Variants in TENM3 observed in about 807,000 individuals in gnomAD.
TENM3 encodes the protein teneurin-3.
A neutral mutation model predicts 255.1 loss-of-function variants in TENM3; 63 were observed. That is an observed-to-expected ratio of 0.25 (90% CI 0.20 to 0.30). The LOEUF (loss-of-function observed/expected upper bound fraction) is 0.30, where lower values mean the gene tolerates loss of function less well. TENM3 is among the 10% of genes least tolerant of loss of function. The pLI, the probability that TENM3 is intolerant of heterozygous loss-of-function variation, is 1.00. For synonymous variants in TENM3, 1,306 were observed against 1,322.3 expected (o/e 0.99, Z 0.27); for missense variants, 2,929 against 3,461.1 (o/e 0.85, Z 3.86).
the TENM3 span, among the ~76,000 whole-genome samples, chr4:181,998,741 C>T: frequency 6.6e-6 from 1 of 152,250 alleles, no homozygotes; most frequent in Admixed American, 6.5e-5. Flanking sequence ...AACTTCCCAC[C>T]CTAGTTCCAA....
chr4:182,151,070 T>C (rs1325480876), intron 1 of TENM3, among the ~76,000 whole-genome samples: 1 of 152,066 alleles, frequency 6.6e-6, no homozygotes, highest in Non-Finnish European at 1.5e-5. Flanking sequence ...TTTTTGACAA[T>C]AGGGGCGTTT....
the TENM3 span, among the ~76,000 whole-genome samples, chr4:181,911,879 TAAC>T: frequency 6.6e-6 from 1 of 152,132 alleles, no homozygotes; most frequent in Non-Finnish European, 1.5e-5. Flanking sequence ...AATACACAAA[TAAC>T]ATACAAATAT....
At chr4:181,485,494 A>AAC in the TENM3 span, among the ~76,000 whole-genome samples, 1 of 152,146 alleles carries the variant, frequency 6.6e-6, no homozygotes, top group African/African-American at 2.4e-5. Flanking sequence ...TTTTTTAAAA[A>AAC]AAAGAGTATC....
chr4:182,000,359 A>G, the TENM3 span, among the ~76,000 whole-genome samples: 4,984 of 152,124 alleles, frequency 0.033, 252 homozygotes, highest in African/African-American at 0.11. Context: ...CTTGATCACC[A>G]CAGCCCTTCT....
chr4:181,859,214 C>T, the TENM3 span, among the ~76,000 whole-genome samples: 1 of 137,314 alleles, frequency 7.3e-6, no homozygotes, highest in African/African-American at 2.7e-5. Flanking sequence ...CTGCGCTCCA[C>T]CCTGTGTGAC....
the TENM3 span, among the ~76,000 whole-genome samples, chr4:181,478,146 A>G: frequency 6.6e-6 from 1 of 152,242 alleles, no homozygotes. Flanking sequence ...GACTACTTGT[A>G]CTTTATGTGT....
At chr4:182,751,166 C>T (rs188514930) in intron 19 of TENM3, among the ~76,000 whole-genome samples, 36 of 152,302 alleles carry the variant, frequency 2.4e-4, no homozygotes, top group Non-Finnish European at 2.9e-5. Flanking sequence ...ATCCAGCATC[C>T]TAGCTCACTG....
At chr4:182,554,105 G>C (rs1369791072) in intron 3 of TENM3, among the ~76,000 whole-genome samples, 1 of 152,038 alleles carries the variant, frequency 6.6e-6, no homozygotes, top group African/African-American at 2.4e-5. Context: ...AGCTAAAAAG[G>C]GATAATAATT....
chr4:182,149,431 G>A (rs964758034), intron 1 of TENM3, among the ~76,000 whole-genome samples: 4 of 151,870 alleles, frequency 2.6e-5, no homozygotes, highest in African/African-American at 9.7e-5. Context: ...CAGCTACATG[G>A]AATTTACTAA....
chr4:181,999,339 A>G, the TENM3 span, among the ~76,000 whole-genome samples: 1 of 152,210 alleles, frequency 6.6e-6, no homozygotes, highest in East Asian at 1.9e-4. Flanking sequence ...TAGATGGTGC[A>G]AAGAAACCAG....
the TENM3 span, among the ~76,000 whole-genome samples, chr4:181,502,777 G>A: frequency 6.6e-5 from 10 of 152,132 alleles, no homozygotes; most frequent in Admixed American, 6.5e-5. Context: ...TTTGCCTACC[G>A]GAAGCTCAGT....
Position 182,800,929 on chromosome 4 carries a change from G to A in TENM3, c.*578G>A, listed in dbSNP as rs989169255. ...TACAATGCTAACGTGGTTTCCCTTC[G>A]GGGAAAAAACTGGCAACTAGAATCC... On this transcript the variant is annotated 3_prime_UTR_variant, in exon 28 of 28. Transcript: ENST00000511685. The A allele has an allele frequency of 5.2e-5, 8 of 152,574 alleles. No homozygotes were observed. Among genetic ancestry groups the A allele is most frequent in the African/African-American group, 1.9e-4 (8 of 41,422 alleles). 9.5% of individuals were successfully genotyped at this position (152,574 alleles called of 1,614,324 possible).
Position 182,680,361 on chromosome 4 carries a change from A to G in TENM3, c.1639+12A>G, listed in dbSNP as rs1490055921. On this transcript the variant is annotated intron_variant, in intron 9 of 27. Coordinates refer to ENST00000511685, the MANE Select transcript of TENM3 (RefSeq NM_001080477.4). ...GGATTGTTCAAGAGGTATGCAAGTT[A>G]GATTCTTCTCTTAAGCCGATATAAA... 2 of 1,588,936 alleles carry G rather than the reference A, an allele frequency of 1.3e-6. No individual in the cohort carries two copies. Among genetic ancestry groups the G allele is most frequent in the Non-Finnish European group, 1.7e-6 (2 of 1,160,260 alleles).
chr4:182,688,736 T>C (rs761613149), intron 12 of TENM3, among the ~76,000 whole-genome samples: 1 of 152,226 alleles, frequency 6.6e-6, no homozygotes, highest in Non-Finnish European at 1.5e-5. Context: ...TTTTTTCAAA[T>C]ATATGCCCTT....
At chr4:182,366,290 C>T (rs1377237802) in intron 3 of TENM3, among the ~76,000 whole-genome samples, 1 of 151,550 alleles carries the variant, frequency 6.6e-6, no homozygotes, top group Non-Finnish European at 1.5e-5. Context: ...TTACTTGTGG[C>T]CTCTCATGCT....
At chr4:182,327,280 T>A (rs533176891) in intron 2 of TENM3, among the ~76,000 whole-genome samples, 1 of 152,274 alleles carries the variant, frequency 6.6e-6, no homozygotes, top group South Asian at 2.1e-4. Flanking sequence ...CCAAATATCA[T>A]TGAAACAATT....
the TENM3 span, among the ~76,000 whole-genome samples, chr4:181,721,514 G>T: frequency 1.1e-5 from 1 of 93,342 alleles, no homozygotes; most frequent in Non-Finnish European, 2.1e-5. Flanking sequence ...GCAGGAGAAT[G>T]GCGTGAACCC....
intron 1 of TENM3, among the ~76,000 whole-genome samples, chr4:182,284,275 T>C (rs892201308): frequency 1.7e-4 from 26 of 152,148 alleles, no homozygotes; most frequent in African/African-American, 5.8e-4. Flanking sequence ...ACTCCAAGAT[T>C]ATATGTTGCA....
intron 18 of TENM3, among the ~76,000 whole-genome samples, chr4:182,739,735 C>A (rs1761458316): frequency 6.6e-6 from 1 of 152,160 alleles, no homozygotes. Context: ...AAGACCATTA[C>A]TTGAAAATGC....
Sources: allele counts gnomAD v4.1 joint callset (sites outside exome capture counted in the v4.1 genomes callset), GRCh38; gene constraint gnomAD v4.1.1; transcripts MANE v1.5; gene names NCBI Gene and HGNC (gene_info 2026-07-23, HGNC 2026-07-21).